Variants in PPP3CA observed in about 807,000 individuals in gnomAD.
The protein encoded by PPP3CA is CAM-PRP catalytic subunit.
PPP3CA carries 14 observed loss-of-function variants against 66.5 expected under a neutral mutation model. That is an observed-to-expected ratio of 0.21 (90% CI 0.14 to 0.33). The LOEUF (loss-of-function observed/expected upper bound fraction) is 0.33, where lower values mean the gene tolerates loss of function less well. Among genes scored for constraint, PPP3CA ranks in the 10% least tolerant of loss-of-function variants. The pLI, the probability that PPP3CA is intolerant of heterozygous loss-of-function variation, is 1.00. For missense variants in PPP3CA, 317 were observed against 639.5 expected (o/e 0.50, Z 5.44); for synonymous variants, 232 against 226.2 (o/e 1.03, Z -0.23).
chr4:101,288,767 CTT>C, intron 1 of PPP3CA, among the ~76,000 whole-genome samples: 1 of 151,992 alleles, frequency 6.6e-6, no homozygotes, highest in South Asian at 2.1e-4. Context: ...AATATTTTAA[CTT>C]TTTCCCCCCA....
chr4:101,171,270 C>T (rs753415974), intron 2 of PPP3CA: 3 of 454,760 alleles, frequency 6.6e-6, no homozygotes, highest in Non-Finnish European at 1.3e-5. Context: ...TAACAATCTC[C>T]CACAATAGGA....
chr4:101,295,074 G>T (rs1272440737), intron 1 of PPP3CA, among the ~76,000 whole-genome samples: 1 of 151,554 alleles, frequency 6.6e-6, no homozygotes, highest in Non-Finnish European at 1.5e-5. Context: ...GGCCGAGGCG[G>T]GTGGATCATG....
chr4:101,265,668 G>A (rs1268727304), intron 1 of PPP3CA, among the ~76,000 whole-genome samples: 1 of 152,158 alleles, frequency 6.6e-6, no homozygotes, highest in Non-Finnish European at 1.5e-5. Flanking sequence ...TGAAAGGTAA[G>A]GAGTGGCTAA....
chr4:101,210,522 T>G (rs1477499977), intron 1 of PPP3CA, among the ~76,000 whole-genome samples: 1 of 152,186 alleles, frequency 6.6e-6, no homozygotes, highest in African/African-American at 2.4e-5. Context: ...CTTGGCCCAT[T>G]ACTGGCACAA....
chr4:101,285,201 T>C (rs548840945), intron 1 of PPP3CA, among the ~76,000 whole-genome samples: 6 of 152,228 alleles, frequency 3.9e-5, no homozygotes, highest in Non-Finnish European at 7.4e-5. Flanking sequence ...AAATATAGAA[T>C]TCAAAATTCA....
At chr4:101,250,393 ATGAG>A in intron 1 of PPP3CA, 1 of 454,834 alleles carries the variant, frequency 2.2e-6, no homozygotes, top group Non-Finnish European at 4.4e-6. Flanking sequence ...GGACATAATA[ATGAG>A]TATTTCATAT....
At chr4:101,155,915 A>G (rs557570201) in intron 2 of PPP3CA, among the ~76,000 whole-genome samples, 1 of 152,324 alleles carries the variant, frequency 6.6e-6, no homozygotes, top group South Asian at 2.1e-4. Context: ...GGCAGCAGCT[A>G]ATATTCATTG....
intron 1 of PPP3CA, among the ~76,000 whole-genome samples, chr4:101,320,058 A>C (rs1308989284): frequency 6.6e-6 from 1 of 152,172 alleles, no homozygotes; most frequent in Non-Finnish European, 1.5e-5. Flanking sequence ...ACAAGCCAAA[A>C]TATTAACAAG....
At chr4:101,229,549 C>T (rs1725892853) in intron 1 of PPP3CA, among the ~76,000 whole-genome samples, 1 of 151,560 alleles carries the variant, frequency 6.6e-6, no homozygotes, top group Non-Finnish European at 1.5e-5. Context: ...CTATTTTGAT[C>T]TATTTATTCT....
chr4:101,179,159 C>T (rs1472571298), intron 2 of PPP3CA, among the ~76,000 whole-genome samples: 5 of 152,092 alleles, frequency 3.3e-5, no homozygotes, highest in Non-Finnish European at 5.9e-5. Context: ...TCACTCTCAT[C>T]GTAGAAAACA....
At chr4:101,260,142 C>T (rs1560685781) in intron 1 of PPP3CA, among the ~76,000 whole-genome samples, 3 of 152,044 alleles carry the variant, frequency 2.0e-5, no homozygotes, top group Admixed American at 1.3e-4. Flanking sequence ...GAATACGGGG[C>T]AAATCGTATC....
At chr4:101,109,838 T>C (rs1721611427) in intron 2 of PPP3CA, among the ~76,000 whole-genome samples, 1 of 152,162 alleles carries the variant, frequency 6.6e-6, no homozygotes, top group African/African-American at 2.4e-5. Context: ...TTGGAAGAGC[T>C]ATTTTGTCTC....
At chr4:101,054,540 T>TA (rs1183887555) in intron 10 of PPP3CA, among the ~76,000 whole-genome samples, 1 of 151,506 alleles carries the variant, frequency 6.6e-6, no homozygotes, top group Non-Finnish European at 1.5e-5. Flanking sequence ...TGGTAGAAAA[T>TA]AATATATTCA....
At chr4:101,223,332 A>G (rs902987608) in intron 1 of PPP3CA, among the ~76,000 whole-genome samples, 3 of 151,798 alleles carry the variant, frequency 2.0e-5, no homozygotes, top group Admixed American at 2.0e-4. Context: ...GATAGAAATC[A>G]TAACTTATAA....
rs533028829 is a variant in PPP3CA, at chr4:101,320,165, T to TCA, written c.58+26572_58+26573dup. Reference sequence around the variant, plus strand: ...CACATGCACACGCGTGTACATGTACTCACACACACACACACAGAATCTGTA... The same window carrying TCA: ...CACATGCACACGCGTGTACATGTACTCACACACACACACACACAGAATCTGTA... On this transcript the variant is annotated intron_variant, in intron 1 of 13. Transcript: ENST00000394854. Among the ~76,000 whole-genome samples the TCA allele has an allele frequency of 2.3e-3, 349 of 150,668 alleles. 1 individual carries two copies. Among genetic ancestry groups the TCA allele is most frequent in the African/African-American group, 7.4e-3 (304 of 41,188 alleles).
chr4:101,084,203 T>C (rs1729560292), intron 6 of PPP3CA, among the ~76,000 whole-genome samples: 1 of 152,164 alleles, frequency 6.6e-6, no homozygotes. Context: ...ATTGAAAACA[T>C]TCATCAATTA....
At chr4:101,081,014 C>T (rs1032944822) in intron 7 of PPP3CA, among the ~76,000 whole-genome samples, 1 of 151,886 alleles carries the variant, frequency 6.6e-6, no homozygotes, top group Non-Finnish European at 1.5e-5. Context: ...ATAAAAAGAC[C>T]AAATAAGTAG....
At chr4:101,339,425 T>A (rs941981995) in intron 1 of PPP3CA, among the ~76,000 whole-genome samples, 1 of 152,134 alleles carries the variant, frequency 6.6e-6, no homozygotes, top group African/African-American at 2.4e-5. Context: ...GCAAATAAAT[T>A]AAATTGAATA....
chr4:101,045,718 T>C (rs1727736566), intron 10 of PPP3CA, among the ~76,000 whole-genome samples: 1 of 152,144 alleles, frequency 6.6e-6, no homozygotes, highest in Admixed American at 6.6e-5. Context: ...GGCTTTAGCA[T>C]AGTAGTACAT....
Sources: gnomAD v4.1 joint callset for allele counts (sites outside exome capture counted in the v4.1 genomes callset) on GRCh38, gnomAD v4.1.1 for gene constraint, MANE v1.5 for transcripts, NCBI Gene and HGNC (gene_info 2026-07-23, HGNC 2026-07-21) for gene names.